The following NMD3 variants were observed in gnomAD, a reference collection of about 807,000 sequenced individuals.
The protein encoded by NMD3 is NMD3 ribosome export adaptor.
A neutral mutation model predicts 73.1 loss-of-function variants in NMD3; 47 were observed. The ratio of observed to expected loss-of-function variants is 0.64; its 90% CI spans 0.51 to 0.82. The LOEUF is 0.82. Among genes scored for constraint, NMD3 ranks in the 40% least tolerant of loss-of-function variants. NMD3 has a pLI of 0.00. For synonymous variants in NMD3, 210 were observed against 194.5 expected (o/e 1.08, Z -0.66); for missense variants, 554 against 612.5 (o/e 0.90, Z 1.01).
intron 14 of NMD3, among the ~76,000 whole-genome samples, chr3:161,249,910 C>CT (rs1443598281): frequency 2.6e-5 from 4 of 151,992 alleles, no homozygotes; most frequent in African/African-American, 9.7e-5. Context: ...TGGCACATGA[C>CT]TTTATAATAA....
intron 11 of NMD3, among the ~76,000 whole-genome samples, chr3:161,244,571 G>A (rs1181601783): frequency 6.6e-6 from 1 of 151,534 alleles, no homozygotes; most frequent in Non-Finnish European, 1.5e-5. Context: ...TGAAGTATAA[G>A]TATTGTATCA....
At chr3:161,222,097 A>C (rs747200080) in intron 2 of NMD3, 40 bp downstream of exon 2, 4 of 1,555,594 alleles carry the variant, frequency 2.6e-6, no homozygotes, top group Non-Finnish European at 3.5e-6. Context: ...AAATGTGAAA[A>C]TCTTCAGTGA....
intron 2 of NMD3, among the ~76,000 whole-genome samples, chr3:161,222,513 G>A (rs1736149373): frequency 1.3e-5 from 2 of 151,776 alleles, no homozygotes; most frequent in Non-Finnish European, 1.5e-5. Flanking sequence ...AGATTATAAT[G>A]TAGTAATTTT....
chr3:161,244,797 A>AT (rs1185458063), intron 11 of NMD3, among the ~76,000 whole-genome samples: 2 of 151,414 alleles, frequency 1.3e-5, no homozygotes, highest in African/African-American at 2.4e-5. Context: ...CTATTTTTTA[A>AT]TTTTTTGTAG....
chr3:161,224,286 T>C (rs1358491088), intron 2 of NMD3, among the ~76,000 whole-genome samples: 2 of 152,244 alleles, frequency 1.3e-5, no homozygotes, highest in Non-Finnish European at 2.9e-5. Flanking sequence ...CACATGTGGC[T>C]AGTGGCTACC....
chr3:161,239,485 T>G (rs139951154), intron 9 of NMD3, among the ~76,000 whole-genome samples: 3,584 of 152,302 alleles, frequency 0.024, 62 homozygotes, highest in African/African-American at 0.025. Context: ...GAATGATAAC[T>G]GCCATTATTG....
Position 161,235,221 on chromosome 3 carries a change from A to T in NMD3, c.577+9A>T. On this transcript the variant is annotated intron_variant, in intron 7 of 15. Coordinates refer to ENST00000351193, the MANE Select transcript of NMD3 (RefSeq NM_015938.5). Reference sequence around the variant, plus strand: ...TATCAAAGAGATTCATGGTGAGTTAAAACTCAAAAGCATTTGAAATTATGT... The same window carrying T: ...TATCAAAGAGATTCATGGTGAGTTATAACTCAAAAGCATTTGAAATTATGT... The T allele has an allele frequency of 7.4e-7, 1 of 1,343,298 alleles. No homozygotes were observed. The highest frequency in any genetic ancestry group is 1.0e-6 in the Non-Finnish European group (1 of 960,816). 83.2% of individuals were successfully genotyped at this position (1,343,298 alleles called of 1,614,324 possible).
intron 7 of NMD3, among the ~76,000 whole-genome samples, chr3:161,236,699 G>T (rs1469211711): frequency 2.0e-5 from 3 of 151,982 alleles, no homozygotes; most frequent in Admixed American, 6.6e-5. Context: ...TATAGTTTTA[G>T]GTCTTATATA....
intron 1 of NMD3, chr3:161,221,731 T>G: frequency 3.4e-6 from 1 of 293,696 alleles, no homozygotes; most frequent in Non-Finnish European, 6.4e-6. Context: ...CCAGGTGAGA[T>G]GGAGGTCAGC....
At chr3:161,234,941 A>ACCCAGACTATCCCTGGATT in intron 6 of NMD3, 86 bp downstream of exon 6, 1 of 1,389,754 alleles carries the variant, frequency 7.2e-7, no homozygotes, top group Non-Finnish European at 1.0e-6. Flanking sequence ...AAATCCAGGG[A>ACCCAGACTATCCCTGGATT]TAGTCTGGGT....
chr3:161,237,472 T>G (rs1017310741), intron 7 of NMD3, among the ~76,000 whole-genome samples: 21 of 151,944 alleles, frequency 1.4e-4, no homozygotes, highest in Admixed American at 7.9e-4. Context: ...TTTTGTTTTC[T>G]ATCTCTCAGA....
At chr3:161,232,551 A>G (rs1212582998) in intron 4 of NMD3, among the ~76,000 whole-genome samples, 1 of 152,206 alleles carries the variant, frequency 6.6e-6, no homozygotes, top group Non-Finnish European at 1.5e-5. Flanking sequence ...ATAGGTAGTC[A>G]CAAAAAGTGT....
rs780013225 is a variant in NMD3, at chr3:161,238,765, T to C, written c.692T>C (p.Ile231Thr). The C allele has an allele frequency of 6.3e-7, 1 of 1,579,384 alleles. No homozygotes were observed. Among genetic ancestry groups the C allele is most frequent in the Non-Finnish European group, 8.7e-7 (1 of 1,154,220 alleles). ...TCACAAAGACTGATCTCTCAAGATA[T>C]CCATAGTAACACATACAATTACAAA... ...KASQRLISQD[I>T]HSNTYNYKST... The change falls in exon 9 of 16, where the codon ATC becomes ACC. Residue 231 changes from isoleucine to threonine, a missense_variant. Coordinates refer to ENST00000351193, the MANE Select transcript of NMD3 (RefSeq NM_015938.5).
Position 161,250,888 on chromosome 3 carries a change from A to G in NMD3, c.1490A>G (p.Glu497Gly). 1.2e-6 allele frequency: 2 copies of G among 1,612,206 alleles called. No homozygotes were observed. The highest frequency in any genetic ancestry group is 1.7e-6 in the Non-Finnish European group (2 of 1,178,668). Reference protein sequence around the residue: ...LHISQDATGEEGASMLT With the variant: ...LHISQDATGEGGASMLT ...ATTTCCCAAGATGCCACTGGTGAAG[A>G]AGGTGCATCAATGCTGACATAATGA... The change falls in exon 16 of 16, where the codon GAA (glutamate) becomes GGA (glycine). Residue 497 changes from glutamate to glycine, a missense_variant. Physicochemically the swap from Glu to Gly is moderately conservative, Grantham distance 98. Coordinates refer to ENST00000351193, the MANE Select transcript of NMD3 (RefSeq NM_015938.5).
intron 3 of NMD3, 61 bp from the exon 4 acceptor site, chr3:161,227,186 G>T: frequency 9.4e-7 from 1 of 1,059,464 alleles, no homozygotes; most frequent in Non-Finnish European, 1.4e-6. Context: ...TGTGTATTCA[G>T]ATGGAAATTT....
intron 7 of NMD3, among the ~76,000 whole-genome samples, chr3:161,237,626 G>A (rs1052353118): frequency 1.4e-5 from 2 of 143,978 alleles, no homozygotes; most frequent in African/African-American, 5.2e-5. Context: ...TGCAACCTCC[G>A]CCAACTGGAT....
At chr3:161,227,405 G>A in intron 4 of NMD3, 62 bp downstream of exon 4, 1 of 778,380 alleles carries the variant, frequency 1.3e-6, no homozygotes, top group Non-Finnish European at 2.0e-6. Context: ...CTCATTTTCA[G>A]AAAATTCTTG....
Position 161,250,297 on chromosome 3 carries a change from C to T in NMD3, c.1352C>T (p.Ala451Val), listed in dbSNP as rs765044564. Residue 451 changes from alanine to valine, a missense_variant, in exon 15 of 16, where the codon GCA becomes GTA. Physicochemically the swap from Ala to Val is moderately conservative, Grantham distance 64 (BLOSUM62 0). Transcript: ENST00000351193. Reference protein sequence around the residue: ...DFLEDLEEDEAIRKNVNIYRD... With the variant: ...DFLEDLEEDEVIRKNVNIYRD... ...CTTGAAGATCTTGAAGAAGATGAGG[C>T]AATTCGAAAAAATGTCAACATTTAC... The T allele has an allele frequency of 2.5e-6, 4 of 1,602,976 alleles. No homozygotes were observed. The highest frequency in any genetic ancestry group is 1.7e-5 in the Admixed American group (1 of 59,770).
At chr3:161,247,029 A>C (rs1177871801) in intron 12 of NMD3, among the ~76,000 whole-genome samples, 1 of 152,198 alleles carries the variant, frequency 6.6e-6, no homozygotes, top group East Asian at 1.9e-4. Context: ...TGCTTTTACA[A>C]ATGTATGGCA....
Sources: gnomAD v4.1 joint callset for allele counts (sites outside exome capture counted in the v4.1 genomes callset) on GRCh38, gnomAD v4.1.1 for gene constraint, MANE v1.5 for transcripts, NCBI Gene and HGNC (gene_info 2026-07-23, HGNC 2026-07-21) for gene names.